ZAP70: variants seen among roughly 807,000 people sequenced by gnomAD.
ZAP70 encodes the protein tyrosine-protein kinase ZAP-70.
In ZAP70, 27 loss-of-function variants were observed where a neutral mutation model predicts 65.8. The observed-to-expected ratio is 0.41, with a 90% CI of 0.30 to 0.57. The LOEUF is 0.57. Ranked by LOEUF, ZAP70 falls within the 20% of genes least tolerant of loss-of-function variation. The probability of loss-of-function intolerance (pLI) is 0.28; values close to 1 mark genes in which losing one functional copy is unlikely to be tolerated. For missense variants in ZAP70, 696 were observed against 870.5 expected (o/e 0.80, Z 2.52); for synonymous variants, 363 against 360.8 (o/e 1.01, Z -0.07).
chr2:97,725,055 GC>G lies in ZAP70; in HGVS notation c.403-35del, dbSNP rs902187183. On this transcript the variant is annotated intron_variant, in intron 3 of 13. Coordinates refer to ENST00000264972, the MANE Select transcript of ZAP70 (RefSeq NM_001079.4). ...AGGGGGTTCCTGTGGCGAGCACTTGGCCACACCTACAGACCTCCTCGCCTCT... is the reference window on the plus strand; with the variant it reads ...AGGGGGTTCCTGTGGCGAGCACTTGGCACACCTACAGACCTCCTCGCCTCT... The G allele has an allele frequency of 3.1e-6, 5 of 1,612,020 alleles. No individual in the cohort carries two copies. The African/African-American group carries it at 6.7e-5, about 22-fold the overall frequency.
chr2:97,718,102 C>A (rs539330040), intron 2 of ZAP70, among the ~76,000 whole-genome samples: 3 of 152,306 alleles, frequency 2.0e-5, no homozygotes, highest in Non-Finnish European at 2.9e-5. Context: ...AATGAACAGG[C>A]TCACTGGGGA....
In ZAP70 at chr2:97,715,402, T is replaced by C. The variant is rs1045790365; in HGVS notation, c.-22+1408T>C. 6.6e-6 allele frequency among the ~76,000 whole-genome samples: 1 copy of C among 152,194 alleles called. No individual in the cohort carries two copies. Among genetic ancestry groups the C allele is most frequent in the Non-Finnish European group, 1.5e-5 (1 of 68,040 alleles). ...TTGTCTCTATCAGCCCCTATCCTCC[T>C]GACTCACACCGCCTTTTCCCATCTC... On this transcript the variant is annotated intron_variant, in intron 2 of 13. Transcript: ENST00000264972. This position sits in a 1 kb window ranked among gnomAD's most constrained non-coding sequence, Gnocchi z 4.1.
the ZAP70 span, among the ~76,000 whole-genome samples, chr2:97,753,727 T>C: frequency 1.3e-5 from 2 of 152,138 alleles, no homozygotes; most frequent in Non-Finnish European, 2.9e-5. Flanking sequence ...ATCCCAGCAC[T>C]TTGGGAGGCT....
At chr2:97,738,789 G>A (rs1251530693) in intron 13 of ZAP70, among the ~76,000 whole-genome samples, 1 of 151,884 alleles carries the variant, frequency 6.6e-6, no homozygotes, top group African/African-American at 2.4e-5. Context: ...CCACCCTCCT[G>A]CGACATGTGT....
At chr2:97,726,030 C>G (rs1677376140) in intron 4 of ZAP70, among the ~76,000 whole-genome samples, 1 of 152,066 alleles carries the variant, frequency 6.6e-6, no homozygotes, top group African/African-American at 2.4e-5. Flanking sequence ...GAAGCAGCCC[C>G]CTCTAACTGT....
At chr2:97,734,369 G>A in intron 8 of ZAP70, 151 bp from the exon 9 acceptor site, 1 of 1,439,904 alleles carries the variant, frequency 6.9e-7, no homozygotes, top group Non-Finnish European at 9.1e-7. Flanking sequence ...GTGTGCGTGT[G>A]GATGTGCAGG....
chr2:97,751,082 G>T, the ZAP70 span, among the ~76,000 whole-genome samples: 11 of 152,198 alleles, frequency 7.2e-5, no homozygotes, highest in Non-Finnish European at 1.2e-4. Context: ...TGGATTACTG[G>T]AGACGTGGGT....
the ZAP70 span, among the ~76,000 whole-genome samples, chr2:97,748,188 G>A: frequency 1.3e-5 from 2 of 152,114 alleles, no homozygotes; most frequent in African/African-American, 2.4e-5. Flanking sequence ...TATTAGCACA[G>A]GGCAATGGCT....
At chr2:97,749,041 G>A in the ZAP70 span, among the ~76,000 whole-genome samples, 21 of 131,078 alleles carry the variant, frequency 1.6e-4, no homozygotes, top group African/African-American at 6.2e-4. Context: ...ACGGAGTCTC[G>A]CTCTGTCGCC....
chr2:97,750,713 T>G, the ZAP70 span, among the ~76,000 whole-genome samples: 1 of 152,218 alleles, frequency 6.6e-6, no homozygotes, highest in East Asian at 1.9e-4. Flanking sequence ...TTTCTAATAG[T>G]CACAAACTGT....
intron 9 of ZAP70, 165 bp from the exon 10 acceptor site, chr2:97,735,085 C>T: frequency 3.7e-6 from 3 of 816,840 alleles, no homozygotes; most frequent in South Asian, 1.7e-5. Context: ...CCTCAGCAGA[C>T]GCTCCAGGCT....
At chr2:97,725,296 G>A (rs766921226) in intron 4 of ZAP70, 44 bp downstream of exon 4, 3 of 1,603,566 alleles carry the variant, frequency 1.9e-6, no homozygotes, top group Non-Finnish European at 2.6e-6. Flanking sequence ...ATTGGGGCTC[G>A]TTGGCAGGGA....
At chr2:97,738,232 G>A in intron 13 of ZAP70, 125 bp downstream of exon 13, 1 of 975,798 alleles carries the variant, frequency 1.0e-6, no homozygotes, top group Non-Finnish European at 1.6e-6. Context: ...CCAGTTCATA[G>A]CCTTTGCAGC....
intron 2 of ZAP70, among the ~76,000 whole-genome samples, chr2:97,719,340 G>GAT (rs1677070617): frequency 3.3e-5 from 5 of 150,044 alleles, no homozygotes; most frequent in Non-Finnish European, 4.4e-5. Flanking sequence ...CCAAGTAAGG[G>GAT]GACGGGGGTG....
chr2:97,753,530 A>C, the ZAP70 span, among the ~76,000 whole-genome samples: 1 of 152,226 alleles, frequency 6.6e-6, no homozygotes, highest in African/African-American at 2.4e-5. Context: ...CCGGATGGCT[A>C]AAACAGTCTT....
intron 7 of ZAP70, 33 bp downstream of exon 7, chr2:97,733,376 G>A (rs1269153816): frequency 6.3e-7 from 1 of 1,589,544 alleles, no homozygotes; most frequent in Non-Finnish European, 8.6e-7. Context: ...GTGGCCTTGG[G>A]GATGGAGCTG....
At position 97,725,094 on chromosome 2, in the gene ZAP70, C is replaced by A. The variant is rs199864362; in HGVS notation, c.405C>A (p.Gly135=). The part of the protein sequence containing the change: ...DYVRQTWKLE[G]EALEQAIISQ... ...CCTCCTCGCCTCTCCTTTTCTAGGG[C>A]GAGGCCCTGGAGCAGGCCATCATCA... is the stretch of plus-strand genomic sequence containing the variant. The change falls in exon 4 of 14, where the codon GGC becomes GGA. Residue 135 remains glycine (G), a splice_region_variant and synonymous_variant. Coordinates refer to ENST00000264972, the MANE Select transcript of ZAP70 (RefSeq NM_001079.4). The A allele has an allele frequency of 1.2e-6, 2 of 1,613,956 alleles. No individual in the cohort carries two copies. The highest frequency in any genetic ancestry group is 2.2e-5 in the East Asian group (1 of 44,872).
intron 3 of ZAP70, 172 bp from the exon 4 acceptor site, chr2:97,724,920 T>C (rs775962075): frequency 8.5e-6 from 13 of 1,531,148 alleles, no homozygotes; most frequent in South Asian, 7.2e-5. Flanking sequence ...CCTAGCTGGA[T>C]TGGGGAGGGG....
Position 97,735,358 on chromosome 2 carries a change from C to T in ZAP70, c.1191C>T (p.Tyr397=), listed in dbSNP as rs199622447. 6.2e-7 allele frequency: 1 copy of T among 1,614,140 alleles called. No homozygotes were observed. The highest frequency in any genetic ancestry group is 2.2e-5 in the East Asian group (1 of 44,866). The change falls in exon 10 of 14, where the codon TAC becomes TAT. Residue 397 remains tyrosine, a synonymous_variant. Coordinates refer to ENST00000264972, the MANE Select transcript of ZAP70 (RefSeq NM_001079.4). ...AQIMHQLDNP[Y]IVRLIGVCQA... is the part of the protein sequence containing the mutation. ...TCATGCACCAGCTGGACAACCCCTA[C>T]ATCGTGCGGCTCATTGGCGTCTGCC...
Sources: allele counts gnomAD v4.1 joint callset (sites outside exome capture counted in the v4.1 genomes callset), GRCh38; gene constraint gnomAD v4.1.1; non-coding constraint Gnocchi (gnomAD v3.1); transcripts MANE v1.5; gene names NCBI Gene and HGNC (gene_info 2026-07-23, HGNC 2026-07-21).